DZIP3: variants seen among roughly 807,000 people sequenced by gnomAD.
The protein encoded by DZIP3 is DAZ interacting zinc finger protein 3, also known as E3 ubiquitin-protein ligase DZIP3.
A neutral mutation model predicts 162.0 loss-of-function variants in DZIP3; 118 were observed. That is an observed-to-expected ratio of 0.73 (90% CI 0.63 to 0.85). DZIP3 has a LOEUF of 0.85. DZIP3 is among the 40% of genes least tolerant of loss of function. The pLI, the probability that DZIP3 is intolerant of heterozygous loss-of-function variation, is 0.00. For missense variants in DZIP3, 1,331 were observed against 1,407.0 expected, an observed-to-expected ratio of 0.95 and a Z score of 0.86; for synonymous variants, 438 against 458.6, an observed-to-expected ratio of 0.96 and a Z score of 0.57.
intron 27 of DZIP3, 108 bp downstream of exon 27, chr3:108,684,449 G>A (rs1469694394): frequency 3.0e-6 from 4 of 1,334,522 alleles, no homozygotes; most frequent in East Asian, 2.4e-5. Flanking sequence ...TGATAATGAT[G>A]GGGGTGGTGG....
chr3:108,641,327 T>C (rs1164013795), intron 12 of DZIP3, among the ~76,000 whole-genome samples: 5 of 152,198 alleles, frequency 3.3e-5, no homozygotes, highest in African/African-American at 1.2e-4. Context: ...TGGAAACATT[T>C]GTTTTATGCA....
rs1024931678 is a variant in DZIP3 at position 108,687,225 on chromosome 3, T to G, written c.3149+641T>G. Among the ~76,000 whole-genome samples, 3 of 152,130 alleles carry G rather than the reference T, an allele frequency of 2.0e-5. No individual in the cohort carries two copies. In the East Asian group the frequency reaches 5.8e-4, roughly 29 times the overall value. On this transcript the variant is annotated intron_variant, in intron 28 of 32. Transcript: ENST00000361582. ...GCACACTTCATTATTAAATTATAAT[T>G]TTATAAATTTCATAATAGTGAATAG... is the stretch of plus-strand genomic sequence containing the variant.
chr3:108,649,886 A>C (rs1473022560), intron 17 of DZIP3, among the ~76,000 whole-genome samples: 1 of 151,814 alleles, frequency 6.6e-6, no homozygotes, highest in Non-Finnish European at 1.5e-5. Context: ...ATGAAAGTTA[A>C]ATTTTATTTT....
intron 19 of DZIP3, among the ~76,000 whole-genome samples, chr3:108,655,436 A>T (rs1943062963): frequency 6.6e-6 from 1 of 152,178 alleles, no homozygotes; most frequent in Admixed American, 6.5e-5. Flanking sequence ...GGAAATAATG[A>T]CTGCCTATGT....
chr3:108,605,349 A>G lies in DZIP3; in HGVS notation c.-58A>G, dbSNP rs528744027. On this transcript the variant is annotated 5_prime_UTR_variant, in exon 2 of 33. Coordinates refer to ENST00000361582, the MANE Select transcript of DZIP3 (RefSeq NM_014648.4). ...TTTCCTTACAGCATTAAAGGGCAGT[A>G]TTTAAAGTCAGTTGGCAAGCAGTGG... 6.2e-7 allele frequency: 1 copy of G among 1,610,448 alleles called. No homozygotes were observed. The highest frequency in any genetic ancestry group is 2.2e-5 in the East Asian group (1 of 44,802).
intron 4 of DZIP3, among the ~76,000 whole-genome samples, chr3:108,614,159 TAGAA>T (rs200707979): frequency 6.6e-6 from 1 of 152,112 alleles, no homozygotes; most frequent in East Asian, 1.9e-4. Flanking sequence ...AAACATAAAA[TAGAA>T]AGGATCAATA....
Position 108,686,628 on chromosome 3 carries a change from C to T in DZIP3, c.3149+44C>T, listed in dbSNP as rs764172666. On this transcript the variant is annotated intron_variant, in intron 28 of 32. Coordinates refer to ENST00000361582, the MANE Select transcript of DZIP3 (RefSeq NM_014648.4). The stretch of plus-strand genomic sequence containing the variant: ...ATTGGTGGGTACAGATCATATTCTC[C>T]AGTTTTCATAGCCATAATTGTGGCA... 6 of 1,449,594 alleles carry T rather than the reference C, an allele frequency of 4.1e-6. No homozygotes were observed. The South Asian group carries it at 6.3e-5, about 15-fold the overall frequency. 89.8% of individuals were successfully genotyped at this position (1,449,594 alleles called of 1,614,324 possible).
chr3:108,596,509 CAG>C (rs1939722268), intron 1 of DZIP3, among the ~76,000 whole-genome samples: 1 of 152,174 alleles, frequency 6.6e-6, no homozygotes, highest in African/African-American at 2.4e-5. Context: ...GCAAAGGAGA[CAG>C]AAGTTAACTG....
Position 108,688,105 on chromosome 3 carries a change from C to A in DZIP3, c.3270+9C>A. 1 of 1,612,092 alleles carries A rather than the reference C, an allele frequency of 6.2e-7. No individual in the cohort carries two copies. The highest frequency in any genetic ancestry group is 1.3e-5 in the African/African-American group (1 of 74,856). On this transcript the variant is annotated intron_variant, in intron 29 of 32. Transcript: ENST00000361582. ...ACCCCAAAAAGTCTCAGGTAAAATG[C>A]AAAAACAACCAAAAAACCTGTATCT...
chr3:108,682,002 A>T (rs1357743387), intron 26 of DZIP3, among the ~76,000 whole-genome samples: 1 of 150,474 alleles, frequency 6.6e-6, no homozygotes, highest in Non-Finnish European at 1.5e-5. Context: ...GGGTGCAGCA[A>T]ACCACCATGG....
chr3:108,596,745 G>A (rs911129755), intron 1 of DZIP3, among the ~76,000 whole-genome samples: 5 of 152,198 alleles, frequency 3.3e-5, no homozygotes, highest in Admixed American at 2.0e-4. Context: ...AGTGCTTAAC[G>A]TGTGCCAGGT....
intron 7 of DZIP3, among the ~76,000 whole-genome samples, chr3:108,628,767 C>CT (rs766792436): frequency 9.8e-5 from 15 of 152,290 alleles, no homozygotes; most frequent in South Asian, 2.1e-4. Flanking sequence ...CTGTCATTCT[C>CT]TTTCTTCAAG....
At chr3:108,681,050 C>A (rs755234841) in intron 26 of DZIP3, among the ~76,000 whole-genome samples, 2 of 152,158 alleles carry the variant, frequency 1.3e-5, no homozygotes, top group African/African-American at 2.4e-5. Flanking sequence ...GCAAAGACTT[C>A]ATGACTAAAA....
intron 26 of DZIP3, among the ~76,000 whole-genome samples, chr3:108,677,947 T>G (rs1336324842): frequency 6.6e-6 from 1 of 152,066 alleles, no homozygotes; most frequent in Non-Finnish European, 1.5e-5. Flanking sequence ...CCCCAACCTC[T>G]GGGCCACGGA....
chr3:108,601,280 G>T (rs911892304), intron 1 of DZIP3, among the ~76,000 whole-genome samples: 1 of 151,994 alleles, frequency 6.6e-6, no homozygotes, highest in Non-Finnish European at 1.5e-5. Flanking sequence ...GGTGTGTGTT[G>T]GTGGGGAGCT....
At chr3:108,614,126 T>C (rs923636577) in intron 4 of DZIP3, among the ~76,000 whole-genome samples, 2 of 152,132 alleles carry the variant, frequency 1.3e-5, no homozygotes, top group Non-Finnish European at 2.9e-5. Context: ...ATAAGGATAG[T>C]TAAAACTAAT....
intron 1 of DZIP3, among the ~76,000 whole-genome samples, chr3:108,600,269 C>A (rs1939933426): frequency 2.6e-5 from 4 of 152,054 alleles, no homozygotes; most frequent in Admixed American, 2.6e-4. Context: ...GGAAATCCAG[C>A]TTTTCAAAAT....
chr3:108,689,555 C>T lies in DZIP3; in HGVS notation c.3516+631C>T, dbSNP rs560068480. ...AAACAAAATTAGCCGGGCGTGGTGG[C>T]GGGTGCCTGTAGTCCCAGCTACTCA... On this transcript the variant is annotated intron_variant, in intron 31 of 32. Transcript: ENST00000361582. 2.2e-4 allele frequency among the ~76,000 whole-genome samples: 33 copies of T among 151,974 alleles called. 1 individual carries two copies. Among genetic ancestry groups the T allele is most frequent in the Admixed American group, 1.4e-3 (22 of 15,248 alleles).
chr3:108,623,588 A>C (rs1346814582), intron 5 of DZIP3, among the ~76,000 whole-genome samples: 2 of 151,954 alleles, frequency 1.3e-5, no homozygotes, highest in Non-Finnish European at 2.9e-5. Context: ...CAGACGTGTG[A>C]GTTGTTTTCC....
Sources: allele counts gnomAD v4.1 joint callset (sites outside exome capture counted in the v4.1 genomes callset), GRCh38; gene constraint gnomAD v4.1.1; transcripts MANE v1.5; gene names NCBI Gene and HGNC (gene_info 2026-07-23, HGNC 2026-07-21).